Variants in ST3GAL4 observed in about 807,000 individuals in gnomAD.
ST3GAL4 encodes the protein CMP-N-acetylneuraminate-beta-galactosamide-alpha-2,3-sialyltransferase 4.
Under a neutral mutation model 42.6 loss-of-function variants are expected in ST3GAL4, and 24 were observed. The observed-to-expected ratio is 0.56, with a 90% CI of 0.41 to 0.79. The LOEUF is 0.79. Among genes scored for constraint, ST3GAL4 ranks in the 30% least tolerant of loss-of-function variants. The pLI, the probability that ST3GAL4 is intolerant of heterozygous loss-of-function variation, is 0.00. For missense variants in ST3GAL4, 311 were observed against 430.8 expected (o/e 0.72, Z 2.46); for synonymous variants, 135 against 163.2 (o/e 0.83, Z 1.32).
At chr11:126,377,913 C>T (rs781469561) in intron 1 of ST3GAL4, among the ~76,000 whole-genome samples, 1 of 152,206 alleles carries the variant, frequency 6.6e-6, no homozygotes, top group Non-Finnish European at 1.5e-5. Context: ...TTCGAAGTGT[C>T]AATTAAACTT....
chr11:126,368,357 C>T (rs1952515081), intron 1 of ST3GAL4, among the ~76,000 whole-genome samples: 1 of 152,190 alleles, frequency 6.6e-6, no homozygotes, highest in Non-Finnish European at 1.5e-5. Flanking sequence ...CCAGATTCTG[C>T]CATGCCACAG....
intron 6 of ST3GAL4, among the ~76,000 whole-genome samples, 163 bp downstream of exon 6, chr11:126,407,797 G>A (rs1954320927): frequency 6.6e-6 from 1 of 151,784 alleles, no homozygotes; most frequent in African/African-American, 2.4e-5. Context: ...GTGCAGAGTG[G>A]GCAGAGGCTG....
At chr11:126,402,451 G>GGA (rs1483322249) in intron 1 of ST3GAL4, among the ~76,000 whole-genome samples, 1 of 100,990 alleles carries the variant, frequency 9.9e-6, no homozygotes, top group African/African-American at 3.7e-5. Flanking sequence ...AAGACTGTCT[G>GGA]AAAAAAAAAA....
chr11:126,407,900 G>A (rs1337664275), intron 6 of ST3GAL4, among the ~76,000 whole-genome samples, 199 bp from the exon 7 acceptor site: 6 of 152,178 alleles, frequency 3.9e-5, no homozygotes, highest in South Asian at 4.2e-4. Context: ...TGTGCTCTGC[G>A]CAGTCTCCTC....
intron 1 of ST3GAL4, among the ~76,000 whole-genome samples, chr11:126,365,721 AGCTGGAGGAAG>A (rs1024381207): frequency 1.4e-4 from 21 of 152,176 alleles, no homozygotes; most frequent in African/African-American, 4.8e-4. Context: ...CTGGTGGGGC[AGCTGGAGGAAG>A]GCCTTGCAGG....
At chr11:126,356,491 G>A (rs1952068099) in intron 1 of ST3GAL4, among the ~76,000 whole-genome samples, 1 of 152,192 alleles carries the variant, frequency 6.6e-6, no homozygotes, top group Non-Finnish European at 1.5e-5. Flanking sequence ...GGGACCTCCC[G>A]GCCAGCCCAG....
intron 1 of ST3GAL4, chr11:126,403,376 T>G (rs1425130870): frequency 7.1e-6 from 7 of 982,760 alleles, no homozygotes; most frequent in Non-Finnish European, 8.5e-6. Flanking sequence ...CCAAAGGTTT[T>G]TCCCTGGAAG....
intron 1 of ST3GAL4, among the ~76,000 whole-genome samples, chr11:126,385,088 C>G (rs1319483057): frequency 5.3e-5 from 8 of 151,962 alleles, no homozygotes; most frequent in Non-Finnish European, 7.3e-5. Context: ...TGCTGTTATC[C>G]ACATTTAAAA....
intron 1 of ST3GAL4, among the ~76,000 whole-genome samples, chr11:126,399,647 C>A (rs115122228): frequency 0.034 from 5,105 of 152,148 alleles, 290 homozygotes; most frequent in African/African-American, 0.12. Flanking sequence ...TTATTTATTT[C>A]TTCTCAAGTT....
rs752345343 is a variant in ST3GAL4, at chr11:126,379,256, G to A, written c.-61+23414G>A. On this transcript the variant is annotated intron_variant, in intron 1 of 10. Coordinates refer to ENST00000444328, the MANE Select transcript of ST3GAL4 (RefSeq NM_001254757.2). This position sits in a 1 kb window ranked among gnomAD's most constrained non-coding sequence, Gnocchi z 4.2. ...AGTAGTGAGGATGGCTTCATGTTGA[G>A]CAGTAGATCTTAGAGGATATTCAGT... is the stretch of plus-strand genomic sequence containing the variant. 6.6e-6 allele frequency among the ~76,000 whole-genome samples: 1 copy of A among 152,180 alleles called. No individual in the cohort carries two copies.
chr11:126,406,278 AG>A lies in ST3GAL4; in HGVS notation c.16+111del. The A allele has an allele frequency of 6.5e-7, 1 of 1,547,086 alleles. No individual in the cohort carries two copies. The highest frequency in any genetic ancestry group is 1.2e-5 in the South Asian group (1 of 83,830). On this transcript the variant is annotated intron_variant, in intron 2 of 10. Coordinates refer to ENST00000444328, the MANE Select transcript of ST3GAL4 (RefSeq NM_001254757.2). The surrounding 1 kb of genome is among the most constrained non-coding windows in gnomAD (Gnocchi z 5.4). Reference sequence around the variant, plus strand: ...GCTGTGGAGGGACAGACAGGGAGCCAGGGGCCCTTCTCTTCATCTTGAAGGA... The same window carrying A: ...GCTGTGGAGGGACAGACAGGGAGCCAGGGCCCTTCTCTTCATCTTGAAGGA...
At chr11:126,413,175 A>G (rs1419291027) in intron 9 of ST3GAL4, among the ~76,000 whole-genome samples, 1 of 152,114 alleles carries the variant, frequency 6.6e-6, no homozygotes, top group Non-Finnish European at 1.5e-5. Context: ...GTGCATTCTT[A>G]GCGCACGACA....
chr11:126,378,373 G>T lies in ST3GAL4; in HGVS notation c.-61+22531G>T, dbSNP rs1396301620. ...GAACAAAAAACATTTCTATGAATTTGATAAAATGACTGTATGCCATCATCA... is the reference window on the plus strand; with the variant it reads ...GAACAAAAAACATTTCTATGAATTTTATAAAATGACTGTATGCCATCATCA... On this transcript the variant is annotated intron_variant, in intron 1 of 10. Coordinates refer to ENST00000444328, the MANE Select transcript of ST3GAL4 (RefSeq NM_001254757.2). This position sits in a 1 kb window ranked among gnomAD's most constrained non-coding sequence, Gnocchi z 5.3. 6.6e-6 allele frequency among the ~76,000 whole-genome samples: 1 copy of T among 152,138 alleles called. No individual in the cohort carries two copies. Among genetic ancestry groups the T allele is most frequent in the Non-Finnish European group, 1.5e-5 (1 of 68,026 alleles).
Position 126,392,877 on chromosome 11 carries a change from G to A in ST3GAL4, c.-60-13219G>A, listed in dbSNP as rs140014082. ...GGAGGAAACTGTGGCTGGGAGGAGA[G>A]GAGGCCGGAAGAGAGGTCTGGGCTT... On this transcript the variant is annotated intron_variant, in intron 1 of 10. Coordinates refer to ENST00000444328, the MANE Select transcript of ST3GAL4 (RefSeq NM_001254757.2). This position sits in a 1 kb window ranked among gnomAD's most constrained non-coding sequence, Gnocchi z 5.8. Among the ~76,000 whole-genome samples the A allele has an allele frequency of 1.3e-5, 2 of 152,238 alleles. No individual in the cohort carries two copies. The highest frequency in any genetic ancestry group is 4.8e-5 in the African/African-American group (2 of 41,522).
Position 126,406,431 on chromosome 11 carries a change from G to C in ST3GAL4, c.17-42G>C. ...GGGAAGGTGGACGGGGGTTGTACCT[G>C]CCTGTTGCTGCCTCTAGCTCCTCTC... On this transcript the variant is annotated intron_variant, in intron 2 of 10. Transcript: ENST00000444328. The surrounding 1 kb of genome is among the most constrained non-coding windows in gnomAD (Gnocchi z 5.4). 2 of 1,613,870 alleles carry C rather than the reference G, an allele frequency of 1.2e-6. No homozygotes were observed. The highest frequency in any genetic ancestry group is 8.5e-7 in the Non-Finnish European group (1 of 1,179,946).
At chr11:126,374,870 CG>C (rs1952776604) in intron 1 of ST3GAL4, 1 of 151,926 alleles carries the variant, frequency 6.6e-6, no homozygotes, top group Non-Finnish European at 1.5e-5. Context: ...CTCCCCAGCC[CG>C]TAGCCTGCGC....
intron 9 of ST3GAL4, 126 bp from the exon 10 acceptor site, chr11:126,413,379 T>G: frequency 8.0e-7 from 1 of 1,244,924 alleles, no homozygotes; most frequent in Non-Finnish European, 1.1e-6. Context: ...TCGTGGCTTG[T>G]CTTGTTGGAC....
intron 1 of ST3GAL4, among the ~76,000 whole-genome samples, chr11:126,360,949 G>A (rs77685025): frequency 0.078 from 11,928 of 152,298 alleles, 627 homozygotes; most frequent in South Asian, 0.17. Flanking sequence ...GGCCCCATCT[G>A]TGTGCTGCCA....
intron 1 of ST3GAL4, among the ~76,000 whole-genome samples, chr11:126,372,062 A>G (rs1400100594): frequency 1.3e-5 from 2 of 152,230 alleles, no homozygotes; most frequent in African/African-American, 4.8e-5. Flanking sequence ...CACAAGCACA[A>G]GGTTCTGTTG....
Sources: allele counts gnomAD v4.1 joint callset (sites outside exome capture counted in the v4.1 genomes callset), GRCh38; gene constraint gnomAD v4.1.1; non-coding constraint Gnocchi (gnomAD v3.1); transcripts MANE v1.5; gene names NCBI Gene and HGNC (gene_info 2026-07-23, HGNC 2026-07-21).